The following COL4A3 variants were observed in gnomAD, a reference collection of about 807,000 sequenced individuals.
COL4A3 encodes collagen alpha-3(IV) chain.
COL4A3 carries 135 observed loss-of-function variants against 217.4 expected under a neutral mutation model. The observed-to-expected ratio is 0.62, with a 90% CI of 0.54 to 0.72. The LOEUF is 0.72. Among genes scored for constraint, COL4A3 ranks in the 30% least tolerant of loss-of-function variants. The pLI, the probability that COL4A3 is intolerant of heterozygous loss-of-function variation, is 0.00. For synonymous variants in COL4A3, 690 were observed against 736.3 expected, an observed-to-expected ratio of 0.94 and a Z score of 1.02; for missense variants, 1,868 against 2,119.9, an observed-to-expected ratio of 0.88 and a Z score of 2.33.
In COL4A3 at chr2:227,307,839, C is replaced by T. The variant is rs760462252; in HGVS notation, c.4382C>T (p.Pro1461Leu). The change falls in exon 48 of 52, where the codon CCA becomes CTA. Residue 1461 changes from proline (P) to leucine (L), a missense_variant. Physicochemically the swap from Pro to Leu is moderately conservative, Grantham distance 98. Coordinates refer to ENST00000396578, the MANE Select transcript of COL4A3 (RefSeq NM_000091.5). ...HSQTTAIPSC[P>L]EGTVPLYSGF... Reference sequence around the variant, plus strand: ...CAAACCACAGCAATTCCTTCATGTCCAGAGGGGACAGTGCCACTCTACAGT... The same window carrying T: ...CAAACCACAGCAATTCCTTCATGTCTAGAGGGGACAGTGCCACTCTACAGT... 73 of 1,613,982 alleles carry T rather than the reference C, an allele frequency of 4.5e-5. No individual in the cohort carries two copies. Among genetic ancestry groups the T allele is most frequent in the Non-Finnish European group, 6.0e-5 (71 of 1,180,000 alleles).
At chr2:227,275,573 C>G (rs537184397) in intron 26 of COL4A3, among the ~76,000 whole-genome samples, 53 of 152,174 alleles carry the variant, frequency 3.5e-4, no homozygotes, top group African/African-American at 1.3e-3. Context: ...ATACTGTAAA[C>G]CTATTTTTTT....
Position 227,293,263 on chromosome 2 carries a change from G to A in COL4A3, c.3283G>A (p.Gly1095Arg). 6.2e-7 allele frequency: 1 copy of A among 1,613,842 alleles called. No homozygotes were observed. Among genetic ancestry groups the A allele is most frequent in the South Asian group, 1.1e-5 (1 of 91,048 alleles). ...MGQPGPPGHLGPAGPEGAPGS... is the reference protein window; with the variant it reads ...MGQPGPPGHLRPAGPEGAPGS... ...GCAACCTGGCCCACCTGGACATTTGGGGCCTGCTGGACCTGAGGGAGCCCC... is the reference window on the plus strand; with the variant it reads ...GCAACCTGGCCCACCTGGACATTTGAGGCCTGCTGGACCTGAGGGAGCCCC... The change falls in exon 38 of 52, where the codon GGG (glycine) becomes AGG (arginine). Residue 1095 changes from glycine to arginine, a missense_variant. Gly to Arg is a moderately radical substitution (Grantham distance 125). This residue lies in a region of COL4A3 where 1,503 missense variants were observed against 1,786.1 expected (regional missense o/e 0.84). Coordinates refer to ENST00000396578, the MANE Select transcript of COL4A3 (RefSeq NM_000091.5).
chr2:227,213,766 G>A (rs187115342), intron 1 of COL4A3, among the ~76,000 whole-genome samples: 95 of 151,980 alleles, frequency 6.3e-4, no homozygotes, highest in African/African-American at 2.1e-3. Flanking sequence ...GCCAGGTATG[G>A]TGACAAGTGC....
In COL4A3 at chr2:227,248,096, C is replaced by A. The variant is rs202110570; in HGVS notation, c.469-347C>A. On this transcript the variant is annotated intron_variant, in intron 8 of 51. Transcript: ENST00000396578. ...CTGGGATTACAAGTGCATGCCACCA[C>A]GCCCAGCTAATTCTTGTATTTTTAG... Among the ~76,000 whole-genome samples the A allele has an allele frequency of 1.6e-4, 25 of 152,186 alleles. No homozygotes were observed. The East Asian group carries it at 4.1e-3, about 25-fold the overall frequency.
intron 34 of COL4A3, among the ~76,000 whole-genome samples, chr2:227,285,789 A>G (rs552812982): frequency 6.6e-6 from 1 of 152,264 alleles, no homozygotes; most frequent in East Asian, 1.9e-4. Context: ...AAACTCTTTT[A>G]CTCACCCTAA....
intron 41 of COL4A3, chr2:227,296,402 C>T (rs532790786): frequency 1.5e-4 from 77 of 517,984 alleles, no homozygotes; most frequent in African/African-American, 1.9e-4. Flanking sequence ...TGGTATAAAA[C>T]GGTCATACCT....
In COL4A3 at chr2:227,312,385, A is replaced by G. The variant is rs1366630494; in HGVS notation, c.*515A>G. 6.0e-6 allele frequency: 1 copy of G among 166,392 alleles called. No homozygotes were observed. The highest frequency in any genetic ancestry group is 5.8e-5 in the Admixed American group (1 of 17,114). 10.3% of individuals were successfully genotyped at this position (166,392 alleles called of 1,614,324 possible). On this transcript the variant is annotated 3_prime_UTR_variant, in exon 52 of 52. Transcript: ENST00000396578. ...ATTTTCAGACCTGCTGAGGACCGTA[A>G]GGCCTGATGGAACACAGAACTGAAC...
At chr2:227,222,700 C>T (rs545092679) in intron 1 of COL4A3, 4 of 152,212 alleles carry the variant, frequency 2.6e-5, no homozygotes, top group Non-Finnish European at 5.9e-5. Flanking sequence ...GCTCTGGAAT[C>T]AGCAAAACTC....
chr2:227,240,036 A>G (rs1371971265), intron 2 of COL4A3, 107 bp from the exon 3 acceptor site: 3 of 1,016,392 alleles, frequency 3.0e-6, no homozygotes, highest in African/African-American at 1.6e-5. Flanking sequence ...AAAACATGCA[A>G]AGAGTCACCA....
Position 227,228,149 on chromosome 2 carries a change from A to G in COL4A3, c.88-9819A>G, listed in dbSNP as rs528978754. 3.9e-5 allele frequency among the ~76,000 whole-genome samples: 6 copies of G among 152,270 alleles called. No homozygotes were observed. The East Asian group carries it at 7.7e-4, about 20-fold the overall frequency. On this transcript the variant is annotated intron_variant, in intron 1 of 51. Transcript: ENST00000396578. ...GTGATGTGTCTCTGGACGGGAGTTG[A>G]GGGATAGGAAGTGGCAGCTGCAGTG...
chr2:227,187,089 A>G (rs1480593418), intron 1 of COL4A3, among the ~76,000 whole-genome samples: 1 of 152,190 alleles, frequency 6.6e-6, no homozygotes, highest in African/African-American at 2.4e-5. Flanking sequence ...AGATATTTTT[A>G]GTACACATGA....
At chr2:227,235,300 G>A (rs2068629364) in intron 1 of COL4A3, among the ~76,000 whole-genome samples, 1 of 152,196 alleles carries the variant, frequency 6.6e-6, no homozygotes, top group African/African-American at 2.4e-5. Context: ...TAAAAACCCA[G>A]AAAGACAAGA....
At chr2:227,174,668 G>A (rs1410778806) in intron 1 of COL4A3, among the ~76,000 whole-genome samples, 9 of 151,972 alleles carry the variant, frequency 5.9e-5, no homozygotes, top group African/African-American at 1.9e-4. Flanking sequence ...CACTATGCCC[G>A]CCTAATTTTT....
At chr2:227,179,481 T>G (rs2065801139) in intron 1 of COL4A3, among the ~76,000 whole-genome samples, 1 of 152,234 alleles carries the variant, frequency 6.6e-6, no homozygotes, top group African/African-American at 2.4e-5. Flanking sequence ...CTTCCCTTAC[T>G]CAACTCCTTG....
At chr2:227,246,352 T>A in intron 6 of COL4A3, 1 of 502,134 alleles carries the variant, frequency 2.0e-6, no homozygotes, top group Non-Finnish European at 3.6e-6. Context: ...TTCACTCACC[T>A]CCTTTTGTTT....
rs867868993 is a variant in COL4A3 at position 227,310,818 on chromosome 2, TC to T, written c.4802del (p.Pro1601LeufsTer14). The T allele has an allele frequency of 6.2e-6, 10 of 1,614,038 alleles. No homozygotes were observed. Among genetic ancestry groups the T allele is most frequent in the African/African-American group, 1.3e-5 (1 of 74,928 alleles). ...GSEGTGQALA[S>X]PGSCLEEFRA... ...TGAGGGCACCGGGCAAGCACTGGCCTCCCCTGGCTCCTGCCTGGAAGAATTC... is the reference window on the plus strand; with the variant it reads ...TGAGGGCACCGGGCAAGCACTGGCCTCCCTGGCTCCTGCCTGGAAGAATTC... On this transcript the variant is annotated frameshift_variant, in exon 51 of 52. Transcript: ENST00000396578. LOFTEE classifies it high-confidence loss of function.
At chr2:227,201,522 C>T (rs1480253291) in intron 1 of COL4A3, among the ~76,000 whole-genome samples, 15 of 152,108 alleles carry the variant, frequency 9.9e-5, no homozygotes, top group Admixed American at 9.8e-4. Context: ...TTCCAGTTGA[C>T]GTTAGAAGAA....
At chr2:227,261,986 T>C (rs2070602745) in intron 20 of COL4A3, among the ~76,000 whole-genome samples, 1 of 152,174 alleles carries the variant, frequency 6.6e-6, no homozygotes, top group South Asian at 2.1e-4. Flanking sequence ...AAGAGCAAAA[T>C]TTGATAAACT....
At chr2:227,206,714 G>C (rs564896788) in intron 1 of COL4A3, among the ~76,000 whole-genome samples, 1 of 152,296 alleles carries the variant, frequency 6.6e-6, no homozygotes, top group African/African-American at 2.4e-5. Flanking sequence ...CAGGTGATTT[G>C]TATGCACGTG....
Sources: allele counts gnomAD v4.1 joint callset (sites outside exome capture counted in the v4.1 genomes callset), GRCh38; gene constraint gnomAD v4.1.1; regional missense constraint gnomAD v4.1.1; transcripts MANE v1.5; gene names NCBI Gene and HGNC (gene_info 2026-07-23, HGNC 2026-07-21).